ZNF423: variants seen among roughly 807,000 people sequenced by gnomAD.
ZNF423 encodes the protein zinc finger protein 423.
A neutral mutation model predicts 95.8 loss-of-function variants in ZNF423; 12 were observed. The ratio of observed to expected loss-of-function variants is 0.13; its 90% CI spans 0.08 to 0.20. The LOEUF is 0.20. ZNF423 is among the 10% of genes least tolerant of loss of function. The pLI is 1.00. For missense variants in ZNF423, 1,316 were observed against 1,737.1 expected, an observed-to-expected ratio of 0.76 and a Z score of 4.31; for synonymous variants, 749 against 711.9, an observed-to-expected ratio of 1.05 and a Z score of -0.83.
chr16:49,602,924 A>C (rs2151833422), intron 5 of ZNF423, among the ~76,000 whole-genome samples: 1 of 152,358 alleles, frequency 6.6e-6, no homozygotes, highest in Non-Finnish European at 1.5e-5. Context: ...AAAGGTTAAC[A>C]GCGGAGCTGC....
chr16:49,638,581 C>T lies in ZNF423; in HGVS notation c.595G>A (p.Asp199Asn), dbSNP rs867011137. ...RDRHIKLHTG[D>N]KKYHCHECEA... The stretch of plus-strand genomic sequence containing the variant: ...CACTCGTGGCAGTGATACTTCTTGT[C>T]GCCCGTATGCAGCTTGATGTGCCGG... Residue 199 changes from aspartate (D) to asparagine (N), a missense_variant, in exon 4 of 8, where the codon GAC (aspartate) becomes AAC (asparagine). By Grantham distance (23) the Asp-to-Asn change is conservative. Coordinates refer to ENST00000563137, the MANE Select transcript of ZNF423 (RefSeq NM_001379286.1). The surrounding 1 kb of genome is among the most constrained non-coding windows in gnomAD (Gnocchi z 5.6). 2 of 1,613,806 alleles carry T rather than the reference C, an allele frequency of 1.2e-6. No homozygotes were observed. Among genetic ancestry groups the T allele is most frequent in the Middle Eastern group, 1.6e-4 (1 of 6,062 alleles).
rs183795456 is a variant in ZNF423, at chr16:49,492,711, G to A, written c.3850-1407C>T. On this transcript the variant is annotated intron_variant, in intron 7 of 7. Coordinates refer to ENST00000563137, the MANE Select transcript of ZNF423 (RefSeq NM_001379286.1). This position sits in a 1 kb window ranked among gnomAD's most constrained non-coding sequence, Gnocchi z 4.2. ...ATGCGGGCGGAGCAGGCGCACGGCC[G>A]GGGCTTGGTGGGCATGCGTGCTCTG... Among the ~76,000 whole-genome samples the A allele has an allele frequency of 2.0e-5, 3 of 152,340 alleles. No homozygotes were observed. The highest frequency in any genetic ancestry group is 4.8e-5 in the African/African-American group (2 of 41,586).
At chr16:49,665,343 G>A (rs1241017554) in intron 3 of ZNF423, among the ~76,000 whole-genome samples, 2 of 152,212 alleles carry the variant, frequency 1.3e-5, no homozygotes, top group Admixed American at 6.5e-5. Context: ...AGCCACACTG[G>A]CAGCTCTTGG....
intron 3 of ZNF423, among the ~76,000 whole-genome samples, chr16:49,698,532 G>T (rs2032058275): frequency 6.6e-6 from 1 of 152,204 alleles, no homozygotes; most frequent in African/African-American, 2.4e-5. Context: ...CACGCCGCCC[G>T]CCTGGGCTCC....
At chr16:49,655,267 C>T (rs2151908348) in intron 3 of ZNF423, among the ~76,000 whole-genome samples, 1 of 152,274 alleles carries the variant, frequency 6.6e-6, no homozygotes, top group African/African-American at 2.4e-5. Flanking sequence ...GAACTCCATT[C>T]CACAGGCCCT....
At chr16:49,683,181 C>T (rs1278160601) in intron 3 of ZNF423, among the ~76,000 whole-genome samples, 2 of 152,132 alleles carry the variant, frequency 1.3e-5, no homozygotes, top group Non-Finnish European at 2.9e-5. Context: ...TCAACAAATA[C>T]TCAGCTCTCC....
intron 1 of ZNF423, among the ~76,000 whole-genome samples, chr16:49,809,699 G>T (rs1033587909): frequency 7.9e-5 from 12 of 152,202 alleles, no homozygotes; most frequent in Admixed American, 5.9e-4. Context: ...ACCCCCGGGT[G>T]GGTTAGCACA....
chr16:49,656,768 G>A (rs548233778), intron 3 of ZNF423, among the ~76,000 whole-genome samples: 5 of 152,200 alleles, frequency 3.3e-5, no homozygotes, highest in African/African-American at 1.2e-4. Context: ...TCCATGTCAC[G>A]TGTTGTCTCA....
intron 3 of ZNF423, among the ~76,000 whole-genome samples, chr16:49,651,127 C>G (rs1160101946): frequency 6.6e-6 from 1 of 151,800 alleles, no homozygotes; most frequent in Admixed American, 6.6e-5. Context: ...CTCAAGCGAT[C>G]CTCCTGCCTC....
chr16:49,492,564 G>A lies in ZNF423; in HGVS notation c.3850-1260C>T, dbSNP rs1967015032. ...GCAGTCCCTTCCCGTGACGGGCACT[G>A]CGAAGGCTGCGGCCCCCGTGGTAAT... On this transcript the variant is annotated intron_variant, in intron 7 of 7. Coordinates refer to ENST00000563137, the MANE Select transcript of ZNF423 (RefSeq NM_001379286.1). This position sits in a 1 kb window ranked among gnomAD's most constrained non-coding sequence, Gnocchi z 4.2. 1.3e-5 allele frequency among the ~76,000 whole-genome samples: 2 copies of A among 152,200 alleles called. No individual in the cohort carries two copies. The highest frequency in any genetic ancestry group is 4.1e-4 in the South Asian group (2 of 4,832).
At chr16:49,501,025 G>A (rs1967377387) in intron 7 of ZNF423, among the ~76,000 whole-genome samples, 1 of 152,170 alleles carries the variant, frequency 6.6e-6, no homozygotes, top group African/African-American at 2.4e-5. Flanking sequence ...TTGGGAAGAC[G>A]GAAGCACCTG....
chr16:49,604,494 T>C (rs1276324094), intron 5 of ZNF423, among the ~76,000 whole-genome samples: 4 of 152,156 alleles, frequency 2.6e-5, no homozygotes, highest in African/African-American at 4.8e-5. Context: ...TGAGAACCAG[T>C]GATCTAGTGG....
intron 5 of ZNF423, among the ~76,000 whole-genome samples, chr16:49,542,543 A>G (rs1000284326): frequency 1.3e-5 from 2 of 152,204 alleles, no homozygotes; most frequent in Non-Finnish European, 2.9e-5. Flanking sequence ...GCTGTGACAC[A>G]TGGCCAGAAG....
At chr16:49,541,523 A>G (rs1225711065) in intron 5 of ZNF423, among the ~76,000 whole-genome samples, 4 of 152,200 alleles carry the variant, frequency 2.6e-5, no homozygotes, top group Admixed American at 2.6e-4. Flanking sequence ...AAGGTGTTAG[A>G]GGGTCATCTC....
chr16:49,555,212 G>A (rs1969779462), intron 5 of ZNF423, among the ~76,000 whole-genome samples: 1 of 152,184 alleles, frequency 6.6e-6, no homozygotes, highest in Non-Finnish European at 1.5e-5. Context: ...TAATGCCTAT[G>A]TCAGTAGGTC....
rs1292605729 is a variant in ZNF423 at position 49,490,271 on chromosome 16, A to C, written c.*1004T>G. 1.3e-5 allele frequency: 2 copies of C among 152,234 alleles called. No individual in the cohort carries two copies. The highest frequency in any genetic ancestry group is 2.9e-5 in the Non-Finnish European group (2 of 68,056). 9.4% of individuals were successfully genotyped at this position (152,234 alleles called of 1,614,324 possible). The stretch of plus-strand genomic sequence containing the variant: ...CAACCCTGAAGGGAAAGCCAAGAAG[A>C]CTTCACAATCAGCATGGTGACCAAC... On this transcript the variant is annotated 3_prime_UTR_variant, in exon 8 of 8. Coordinates refer to ENST00000563137, the MANE Select transcript of ZNF423 (RefSeq NM_001379286.1).
intron 3 of ZNF423, among the ~76,000 whole-genome samples, chr16:49,673,663 G>A (rs1439449999): frequency 6.6e-6 from 1 of 152,236 alleles, no homozygotes; most frequent in Non-Finnish European, 1.5e-5. Flanking sequence ...TATGCAAGGT[G>A]TGCAAACACG....
At chr16:49,581,415 G>T (rs1970671631) in intron 5 of ZNF423, among the ~76,000 whole-genome samples, 1 of 152,318 alleles carries the variant, frequency 6.6e-6, no homozygotes, top group African/African-American at 2.4e-5. Context: ...CACGAATGAA[G>T]TCTGCAGAGA....
intron 7 of ZNF423, among the ~76,000 whole-genome samples, chr16:49,510,507 C>T (rs868050140): frequency 5.9e-5 from 9 of 152,316 alleles, no homozygotes; most frequent in South Asian, 4.1e-4. Context: ...TAGCTTCTTA[C>T]GACCTCACAT....
Sources: allele counts gnomAD v4.1 joint callset (sites outside exome capture counted in the v4.1 genomes callset), GRCh38; gene constraint gnomAD v4.1.1; non-coding constraint Gnocchi (gnomAD v3.1); transcripts MANE v1.5; gene names NCBI Gene and HGNC (gene_info 2026-07-23, HGNC 2026-07-21).